The following KCNT2 variants were observed in gnomAD, a reference collection of about 807,000 sequenced individuals.
The protein encoded by KCNT2 is potassium sodium-activated channel subfamily T member 2.
Under a neutral mutation model 153.8 loss-of-function variants are expected in KCNT2, and 67 were observed. The ratio of observed to expected loss-of-function variants is 0.44; its 90% confidence interval spans 0.36 to 0.53. KCNT2 has a LOEUF of 0.53. KCNT2 is among the 20% of genes least tolerant of loss of function. The pLI, the probability that KCNT2 is intolerant of heterozygous loss-of-function variation, is 0.00. For missense variants in KCNT2, 975 were observed against 1,354.8 expected (o/e 0.72, Z 4.40); for synonymous variants, 500 against 458.8 (o/e 1.09, Z -1.15).
Position 196,547,968 on chromosome 1 carries a change from G to A in KCNT2, c.96-55627C>T, listed in dbSNP as rs568666779. ...TTCTGATCTGGTACGTCTATAGTGG[G>A]CCCACAGATTTAGCATTTCAAAGTG... On this transcript the variant is annotated intron_variant, in intron 1 of 27. Coordinates refer to ENST00000294725, the MANE Select transcript of KCNT2 (RefSeq NM_198503.5). 7.9e-5 allele frequency among the ~76,000 whole-genome samples: 12 copies of A among 151,762 alleles called. No individual in the cohort carries two copies. The South Asian group carries it at 2.5e-3, about 32-fold the overall frequency.
chr1:196,378,144 AG>A (rs904092229), intron 13 of KCNT2, among the ~76,000 whole-genome samples: 2 of 152,204 alleles, frequency 1.3e-5, no homozygotes, highest in Admixed American at 6.6e-5. Flanking sequence ...AGAAGAATCA[AG>A]GTTTAATTAA....
At chr1:196,519,536 G>C (rs916546582) in intron 1 of KCNT2, among the ~76,000 whole-genome samples, 4 of 151,766 alleles carry the variant, frequency 2.6e-5, no homozygotes, top group African/African-American at 9.7e-5. Context: ...TAATAAGTTA[G>C]ATAGGCTAAT....
At chr1:196,281,583 C>T (rs916573409) in intron 24 of KCNT2, among the ~76,000 whole-genome samples, 21 of 152,056 alleles carry the variant, frequency 1.4e-4, no homozygotes, top group African/African-American at 4.1e-4. Context: ...AATTGTAGTG[C>T]CCCTTTGCTT....
chr1:196,285,584 GTAT>G, intron 23 of KCNT2, 70 bp downstream of exon 23: 1 of 881,050 alleles, frequency 1.1e-6, no homozygotes, highest in Non-Finnish European at 1.8e-6. Flanking sequence ...AACACTAGAT[GTAT>G]TATTCATTTA....
intron 1 of KCNT2, among the ~76,000 whole-genome samples, chr1:196,598,761 G>A (rs932824039): frequency 3.3e-5 from 5 of 152,100 alleles, no homozygotes; most frequent in African/African-American, 9.7e-5. Flanking sequence ...TGATTCATTT[G>A]TAAAATGGGA....
chr1:196,260,907 A>G (rs1260258110), intron 25 of KCNT2, among the ~76,000 whole-genome samples: 1 of 151,842 alleles, frequency 6.6e-6, no homozygotes, highest in African/African-American at 2.4e-5. Context: ...ACATCTGTCA[A>G]CTGTAAACTT....
intron 19 of KCNT2, among the ~76,000 whole-genome samples, chr1:196,322,831 A>G (rs747649830): frequency 7.2e-5 from 11 of 151,902 alleles, no homozygotes; most frequent in Non-Finnish European, 1.2e-4. Context: ...TCCTTGCTAG[A>G]CAATATGAAA....
At chr1:196,428,441 G>A (rs1673842883) in intron 9 of KCNT2, among the ~76,000 whole-genome samples, 172 bp from the exon 10 acceptor site, 1 of 151,918 alleles carries the variant, frequency 6.6e-6, no homozygotes, top group African/African-American at 2.4e-5. Flanking sequence ...TTCTACAGAG[G>A]CTGCAAATGT....
At chr1:196,398,527 G>A (rs1572306021) in intron 13 of KCNT2, 36 bp downstream of exon 13, 1 of 1,199,342 alleles carries the variant, frequency 8.3e-7, no homozygotes, top group African/African-American at 1.5e-5. Flanking sequence ...GGAGTTTCAG[G>A]AAATTCAATG....
At chr1:196,542,087 A>C (rs116516494) in intron 1 of KCNT2, among the ~76,000 whole-genome samples, 8,780 of 152,100 alleles carry the variant, frequency 0.058, 394 homozygotes, top group Non-Finnish European at 0.085. Context: ...TATAAAACAT[A>C]ATTTACAAAA....
intron 14 of KCNT2, among the ~76,000 whole-genome samples, chr1:196,357,790 T>C (rs1667293346): frequency 6.6e-6 from 1 of 151,836 alleles, no homozygotes; most frequent in Non-Finnish European, 1.5e-5. Context: ...ACATAGAGAG[T>C]AACTTTATTG....
chr1:196,341,896 A>T (rs1665672389), intron 15 of KCNT2, among the ~76,000 whole-genome samples, 183 bp downstream of exon 15: 1 of 152,144 alleles, frequency 6.6e-6, no homozygotes, highest in Non-Finnish European at 1.5e-5. Context: ...TTTACTCCTG[A>T]CTGTCTTATA....
At chr1:196,388,796 AT>A (rs1410301795) in intron 13 of KCNT2, among the ~76,000 whole-genome samples, 6 of 151,852 alleles carry the variant, frequency 4.0e-5, no homozygotes, top group South Asian at 2.1e-4. Context: ...ATTCATTACC[AT>A]TTTTAAAGAA....
At chr1:196,483,888 A>G (rs1679209917) in intron 3 of KCNT2, among the ~76,000 whole-genome samples, 1 of 152,276 alleles carries the variant, frequency 6.6e-6, no homozygotes, top group South Asian at 2.1e-4. Flanking sequence ...TAGGTAACCA[A>G]TGATCAATGA....
At chr1:196,303,293 C>A (rs1405946515) in intron 22 of KCNT2, among the ~76,000 whole-genome samples, 3 of 152,070 alleles carry the variant, frequency 2.0e-5, no homozygotes, top group Non-Finnish European at 2.9e-5. Context: ...GGGAGTTTAG[C>A]CTAGATACCT....
intron 1 of KCNT2, among the ~76,000 whole-genome samples, chr1:196,593,483 G>T (rs1180532672): frequency 2.6e-5 from 4 of 151,574 alleles, no homozygotes; most frequent in Non-Finnish European, 5.9e-5. Context: ...TTTGTATAAT[G>T]ACTTCTCTTC....
intron 17 of KCNT2, among the ~76,000 whole-genome samples, chr1:196,332,924 G>A (rs1223807125): frequency 6.6e-6 from 1 of 151,194 alleles, no homozygotes; most frequent in Admixed American, 6.6e-5. Flanking sequence ...AGGTAGGATT[G>A]CAGGCGCGCA....
At chr1:196,425,048 G>A (rs10922065) in intron 11 of KCNT2, among the ~76,000 whole-genome samples, 5,028 of 152,002 alleles carry the variant, frequency 0.033, 121 homozygotes, top group South Asian at 0.07. Context: ...CAACTCAAGG[G>A]TAAACATGAA....
intron 21 of KCNT2, among the ~76,000 whole-genome samples, chr1:196,305,814 TGC>T (rs1661575839): frequency 1.3e-5 from 2 of 152,292 alleles, no homozygotes; most frequent in South Asian, 2.1e-4. Flanking sequence ...TGTCAAATCT[TGC>T]TACAACAAAC....
Sources: allele counts gnomAD v4.1 joint callset (sites outside exome capture counted in the v4.1 genomes callset), GRCh38; gene constraint gnomAD v4.1.1; transcripts MANE v1.5; gene names NCBI Gene and HGNC (gene_info 2026-07-23, HGNC 2026-07-21).